The following NAA15 variants were observed in gnomAD, a reference collection of about 807,000 sequenced individuals.
NAA15 encodes the protein N-terminal acetyltransferase.
In NAA15, 34 loss-of-function variants were observed where a neutral mutation model predicts 114.0. That is an observed-to-expected ratio of 0.30 (90% confidence interval 0.23 to 0.40). The LOEUF (loss-of-function observed/expected upper bound fraction) is 0.40. Among genes scored for constraint, NAA15 ranks in the 10% least tolerant of loss-of-function variants. The pLI is 1.00. For synonymous variants in NAA15, 340 were observed against 338.0 expected (o/e 1.01, Z -0.06); for missense variants, 658 against 1,004.5 (o/e 0.66, Z 4.66).
chr4:139,332,218 CCT>C (rs1445532950), intron 1 of NAA15, among the ~76,000 whole-genome samples: 2 of 152,064 alleles, frequency 1.3e-5, no homozygotes, highest in African/African-American at 4.8e-5. Context: ...ACAACCTCTG[CCT>C]CTCGGGTTCA....
intron 5 of NAA15, 52 bp downstream of exon 5, chr4:139,343,012 A>T (rs1356907592): frequency 2.7e-6 from 4 of 1,486,998 alleles, no homozygotes; most frequent in East Asian, 2.3e-5. Flanking sequence ...TAACTAAAAA[A>T]ATAATGTGCA....
rs150597545 is a variant in NAA15 at position 139,315,618 on chromosome 4, G to T, written c.54+13787G>T. 6.9e-3 allele frequency among the ~76,000 whole-genome samples: 1,047 copies of T among 151,932 alleles called. 24 individuals carry two copies. The highest frequency in any genetic ancestry group is 0.023 in the African/African-American group (969 of 41,364). ...CCTCCCAAATTAGGTAGTGAGATAC[G>T]TATACAAGTGCATGCCCAATGGTAA... On this transcript the variant is annotated intron_variant, in intron 1 of 19. Transcript: ENST00000296543.
chr4:139,365,540 C>A (rs1375586518), intron 14 of NAA15, among the ~76,000 whole-genome samples: 1 of 151,922 alleles, frequency 6.6e-6, no homozygotes, highest in Non-Finnish European at 1.5e-5. Context: ...AAATGAAATA[C>A]AATGTATGGG....
Position 139,344,340 on chromosome 4 carries a change from G to A in NAA15, c.691+1G>A, listed in dbSNP as rs1579109565. 6.3e-7 allele frequency: 1 copy of A among 1,599,798 alleles called. No homozygotes were observed. The highest frequency in any genetic ancestry group is 8.5e-7 in the Non-Finnish European group (1 of 1,173,436). On this transcript the variant is annotated splice_donor_variant, in intron 6 of 19. Transcript: ENST00000296543. LOFTEE classifies it high-confidence loss of function. The stretch of plus-strand genomic sequence containing the variant: ...AAACTTGCTGTAGAAGAAACCAAAG[G>A]TATTTTTAAAAGAATTGTCATTTAT...
At chr4:139,360,897 T>G (rs1297181713) in intron 13 of NAA15, among the ~76,000 whole-genome samples, 1 of 152,152 alleles carries the variant, frequency 6.6e-6, no homozygotes, top group Non-Finnish European at 1.5e-5. Flanking sequence ...ACCTTCCAAA[T>G]TGCTGCTGCC....
intron 11 of NAA15, 108 bp from the exon 12 acceptor site, chr4:139,359,635 A>T (rs1748071992): frequency 9.7e-7 from 1 of 1,032,344 alleles, no homozygotes; most frequent in African/African-American, 1.7e-5. Context: ...AGTCACAAGA[A>T]TGCCTTTACT....
intron 15 of NAA15, among the ~76,000 whole-genome samples, chr4:139,372,800 T>C (rs368834841): frequency 1.3e-5 from 2 of 151,772 alleles, no homozygotes; most frequent in Non-Finnish European, 2.9e-5. Context: ...TTAGTGTCAC[T>C]AGTTCAGGAT....
At chr4:139,366,455 A>G (rs1748287075) in intron 14 of NAA15, among the ~76,000 whole-genome samples, 1 of 152,176 alleles carries the variant, frequency 6.6e-6, no homozygotes, top group Non-Finnish European at 1.5e-5. Flanking sequence ...ACATCACACC[A>G]TTACTTCCTT....
intron 1 of NAA15, among the ~76,000 whole-genome samples, chr4:139,326,829 T>C (rs114502889): frequency 0.011 from 1,616 of 152,378 alleles, 33 homozygotes; most frequent in African/African-American, 0.037. Context: ...TACTTAGTCT[T>C]ATTTAGTTAA....
At chr4:139,311,343 A>G (rs1390558992) in intron 1 of NAA15, among the ~76,000 whole-genome samples, 1 of 150,124 alleles carries the variant, frequency 6.7e-6, no homozygotes, top group Non-Finnish European at 1.5e-5. Context: ...ATGTGAAGTG[A>G]GTGTGAAAAT....
intron 14 of NAA15, among the ~76,000 whole-genome samples, chr4:139,363,751 T>C (rs1427819256): frequency 6.6e-6 from 1 of 152,236 alleles, no homozygotes; most frequent in Non-Finnish European, 1.5e-5. Context: ...TCAGTTTTTA[T>C]TACCACCAAC....
At chr4:139,341,172 T>G in intron 4 of NAA15, 103 bp downstream of exon 4, 1 of 858,614 alleles carries the variant, frequency 1.2e-6, no homozygotes. Context: ...TGAAAATAAT[T>G]TAATTGAATT....
intron 19 of NAA15, chr4:139,386,672 A>C (rs988820392): frequency 2.6e-5 from 4 of 153,328 alleles, no homozygotes; most frequent in African/African-American, 9.7e-5. Context: ...CTCTTAAAAA[A>C]AAAAATCAGT....
At chr4:139,349,433 A>AG in intron 6 of NAA15, 29 bp from the exon 7 acceptor site, 1 of 1,498,634 alleles carries the variant, frequency 6.7e-7, no homozygotes, top group Non-Finnish European at 8.9e-7. Flanking sequence ...TCAGATATTA[A>AG]AATTTTTTTT....
chr4:139,302,491 G>A (rs1363069658), intron 1 of NAA15: 1 of 152,224 alleles, frequency 6.6e-6, no homozygotes, highest in African/African-American at 2.4e-5. Flanking sequence ...GTAGGGATGA[G>A]GCATTTATTT....
At chr4:139,356,714 AAG>A (rs1295716754) in intron 10 of NAA15, 1 of 152,294 alleles carries the variant, frequency 6.6e-6, no homozygotes, top group East Asian at 1.9e-4. Flanking sequence ...TGTATTAAAA[AAG>A]AATTTTTTAA....
chr4:139,337,631 G>C (rs910758579), intron 3 of NAA15, among the ~76,000 whole-genome samples: 2 of 152,122 alleles, frequency 1.3e-5, no homozygotes, highest in African/African-American at 4.8e-5. Flanking sequence ...AAAAATTGTG[G>C]GTTGCTATTT....
intron 1 of NAA15, among the ~76,000 whole-genome samples, chr4:139,323,753 A>G (rs1014732688): frequency 6.6e-6 from 1 of 152,206 alleles, no homozygotes; most frequent in Non-Finnish European, 1.5e-5. Flanking sequence ...CTTTTGTCCA[A>G]CAGCTGAAAA....
chr4:139,333,607 T>G (rs577220669), intron 1 of NAA15, among the ~76,000 whole-genome samples: 4 of 152,344 alleles, frequency 2.6e-5, no homozygotes, highest in Non-Finnish European at 5.9e-5. Context: ...CTGGGCATAG[T>G]GGCTCATGCC....
Sources: allele counts gnomAD v4.1 joint callset (sites outside exome capture counted in the v4.1 genomes callset), GRCh38; gene constraint gnomAD v4.1.1; transcripts MANE v1.5; gene names NCBI Gene and HGNC (gene_info 2026-07-23, HGNC 2026-07-21).